Variants in GPM6A observed in about 807,000 individuals in gnomAD.
The protein encoded by GPM6A is glycoprotein M6A.
Under a neutral mutation model 32.1 loss-of-function variants are expected in GPM6A, and 7 were observed. That is an observed-to-expected ratio of 0.22 (90% CI 0.12 to 0.41). The LOEUF is 0.41. Ranked by LOEUF, GPM6A falls within the 10% of genes least tolerant of loss-of-function variation. GPM6A has a pLI of 1.00. For synonymous variants in GPM6A, 130 were observed against 123.4 expected (o/e 1.05, Z -0.35); for missense variants, 235 against 347.2 (o/e 0.68, Z 2.57).
At chr4:175,831,291 T>C (rs1735603348) in intron 1 of GPM6A, among the ~76,000 whole-genome samples, 1 of 152,172 alleles carries the variant, frequency 6.6e-6, no homozygotes, top group Admixed American at 6.5e-5. Flanking sequence ...GGTAGAATTA[T>C]TAGTCAAAAT....
intron 1 of GPM6A, among the ~76,000 whole-genome samples, chr4:175,960,058 C>G (rs972862901): frequency 2.2e-4 from 33 of 152,152 alleles, no homozygotes; most frequent in African/African-American, 8.0e-4. Context: ...GTTACATCGT[C>G]ACTAAGTAGC....
intron 1 of GPM6A, among the ~76,000 whole-genome samples, chr4:175,703,248 T>C (rs1226451338): frequency 6.6e-6 from 1 of 152,122 alleles, no homozygotes; most frequent in Non-Finnish European, 1.5e-5. Flanking sequence ...CTCGGCTCAC[T>C]GCAACCTCTG....
At chr4:175,985,183 ATATC>A (rs1336220280) in intron 1 of GPM6A, among the ~76,000 whole-genome samples, 1 of 152,204 alleles carries the variant, frequency 6.6e-6, no homozygotes, top group Non-Finnish European at 1.5e-5. Context: ...ATGTATATCT[ATATC>A]TATATATGTA....
chr4:175,822,178 T>C (rs1735296865), intron 1 of GPM6A, among the ~76,000 whole-genome samples: 1 of 152,174 alleles, frequency 6.6e-6, no homozygotes. Context: ...TCCATTTATA[T>C]ATTAAAGTAA....
At chr4:175,887,092 T>C (rs1737484732) in intron 1 of GPM6A, among the ~76,000 whole-genome samples, 2 of 152,024 alleles carry the variant, frequency 1.3e-5, no homozygotes, top group Non-Finnish European at 2.9e-5. Flanking sequence ...CCAATGGACA[T>C]ATATGAAACC....
At chr4:175,991,088 T>C (rs1741125403) in intron 1 of GPM6A, among the ~76,000 whole-genome samples, 1 of 151,510 alleles carries the variant, frequency 6.6e-6, no homozygotes, top group Non-Finnish European at 1.5e-5. Context: ...TTTTTTTTTT[T>C]TGACGTAATT....
chr4:175,657,736 T>G (rs1033848867), intron 3 of GPM6A, among the ~76,000 whole-genome samples: 1 of 152,160 alleles, frequency 6.6e-6, no homozygotes, highest in Non-Finnish European at 1.5e-5. Context: ...CTGTATAATA[T>G]AGGACATTTA....
chr4:175,925,120 A>C (rs1738791451), intron 1 of GPM6A, among the ~76,000 whole-genome samples: 3 of 152,230 alleles, frequency 2.0e-5, no homozygotes. Flanking sequence ...CATGAAAATC[A>C]GAAACACACA....
chr4:175,966,310 G>C (rs1740333199), intron 1 of GPM6A, among the ~76,000 whole-genome samples: 2 of 151,994 alleles, frequency 1.3e-5, no homozygotes, highest in Non-Finnish European at 2.9e-5. Context: ...GCTGAGGTGA[G>C]AGAATCTCTT....
intron 1 of GPM6A, among the ~76,000 whole-genome samples, chr4:175,742,148 G>A (rs1388417479): frequency 6.6e-6 from 1 of 151,888 alleles, no homozygotes; most frequent in Admixed American, 6.6e-5. Flanking sequence ...AAATTGAAAG[G>A]GTAATTATTT....
At chr4:175,813,866 T>C (rs1368619818), upstream of GPM6A, among the ~76,000 whole-genome samples, 2 of 152,260 alleles carry the variant, frequency 1.3e-5, no homozygotes. Context: ...TCTTTTCAAA[T>C]GAATTTTGTC....
intron 3 of GPM6A, among the ~76,000 whole-genome samples, chr4:175,663,714 G>T (rs868740661): frequency 8.3e-4 from 111 of 134,468 alleles, no homozygotes; most frequent in African/African-American, 3.0e-3. Context: ...TTTTTTTTGA[G>T]ATGGAGTCTC....
At chr4:175,807,511 C>T (rs1215725883) in intron 1 of GPM6A, 3 of 152,130 alleles carry the variant, frequency 2.0e-5, no homozygotes, top group East Asian at 1.9e-4. Context: ...TAAAATTTGC[C>T]GTGGGATAAA....
chr4:175,962,296 TA>T, intron 1 of GPM6A: 1 of 1,235,642 alleles, frequency 8.1e-7, no homozygotes, highest in Non-Finnish European at 1.2e-6. Flanking sequence ...ACACCAGAAG[TA>T]AAAGTGAGTT....
rs1741308550 is a variant in GPM6A, at chr4:175,644,086, C to T, written c.542-3257G>A. Among the ~76,000 whole-genome samples the T allele has an allele frequency of 5.4e-5, 8 of 148,962 alleles. No individual in the cohort carries two copies. In the South Asian group the frequency reaches 1.7e-3, roughly 32 times the overall value. ...CCCGCTTGGCCCTTTTCCAACTCTACTTTCTTTCATTCCTGCTCTAAAACT... is the reference window on the plus strand; with the variant it reads ...CCCGCTTGGCCCTTTTCCAACTCTATTTTCTTTCATTCCTGCTCTAAAACT... On this transcript the variant is annotated intron_variant, in intron 4 of 6. Transcript: ENST00000393658.
At chr4:175,815,906 G>A (rs762255522), upstream of GPM6A, among the ~76,000 whole-genome samples, 8 of 151,868 alleles carry the variant, frequency 5.3e-5, no homozygotes, top group Non-Finnish European at 1.0e-4. Flanking sequence ...TAGCAGAGAC[G>A]GGGTTTCTCC....
At chr4:175,643,586 A>G (rs1314100684) in intron 4 of GPM6A, among the ~76,000 whole-genome samples, 1 of 152,116 alleles carries the variant, frequency 6.6e-6, no homozygotes, top group Non-Finnish European at 1.5e-5. Context: ...AAAAAATACT[A>G]TCGTTACAGT....
At chr4:175,995,553 G>A (rs571264870) in intron 1 of GPM6A, among the ~76,000 whole-genome samples, 1 of 152,236 alleles carries the variant, frequency 6.6e-6, no homozygotes, top group African/African-American at 2.4e-5. Context: ...TTTTCTCGTT[G>A]CATGCCCCAG....
At chr4:175,729,619 G>A (rs1365470593) in intron 1 of GPM6A, among the ~76,000 whole-genome samples, 2 of 151,858 alleles carry the variant, frequency 1.3e-5, no homozygotes, top group Non-Finnish European at 2.9e-5. Flanking sequence ...GGAACAAAAA[G>A]TATAAATACT....
Sources: gnomAD v4.1 joint callset for allele counts (sites outside exome capture counted in the v4.1 genomes callset) on GRCh38, gnomAD v4.1.1 for gene constraint, MANE v1.5 for transcripts, NCBI Gene and HGNC (gene_info 2026-07-23, HGNC 2026-07-21) for gene names.